The following ITSN1 variants were observed in gnomAD, a reference collection of about 807,000 sequenced individuals.
The protein encoded by ITSN1 is intersectin 1, also known as intersectin-1.
A neutral mutation model predicts 239.8 loss-of-function variants in ITSN1; 58 were observed. That is an observed-to-expected ratio of 0.24 (90% CI 0.20 to 0.30). ITSN1 has a LOEUF of 0.30. ITSN1 is among the 10% of genes least tolerant of loss of function. ITSN1 has a pLI of 1.00. For missense variants in ITSN1, 1,558 were observed against 2,103.3 expected, an observed-to-expected ratio of 0.74 and a Z score of 5.07; for synonymous variants, 780 against 770.8, an observed-to-expected ratio of 1.01 and a Z score of -0.20.
At chr21:33,730,301 A>G (rs1013510262) in intron 4 of ITSN1, among the ~76,000 whole-genome samples, 4 of 151,168 alleles carry the variant, frequency 2.6e-5, no homozygotes, top group Admixed American at 2.6e-4. Context: ...AAGCAGGTAC[A>G]TAATGTATAT....
At chr21:33,683,776 A>C (rs1320186753) in intron 1 of ITSN1, among the ~76,000 whole-genome samples, 3 of 152,234 alleles carry the variant, frequency 2.0e-5, no homozygotes, top group African/African-American at 7.2e-5. Flanking sequence ...TTGAAATACT[A>C]AATGTAGATT....
rs148320726 is a variant in ITSN1 at position 33,724,223 on chromosome 21, C to T, written c.185+1572C>T. On this transcript the variant is annotated intron_variant, in intron 4 of 39. Coordinates refer to ENST00000381318, the MANE Select transcript of ITSN1 (RefSeq NM_003024.3). ...GGTTGTCAGCATATTGGCCGCCAGA[C>T]TGTCTCTAAACTAGTGTGCTTGCTC... Among the ~76,000 whole-genome samples, 5 of 152,280 alleles carry T rather than the reference C, an allele frequency of 3.3e-5. No individual in the cohort carries two copies. The East Asian group carries it at 9.6e-4, about 29-fold the overall frequency.
In ITSN1 at chr21:33,898,079, A is replaced by C. The variant is rs1229419162; in HGVS notation, c.*9779A>C. 6.6e-6 allele frequency: 1 copy of C among 152,170 alleles called. No individual in the cohort carries two copies. Among genetic ancestry groups the C allele is most frequent in the Non-Finnish European group, 1.5e-5 (1 of 68,030 alleles). 9.4% of individuals were successfully genotyped at this position (152,170 alleles called of 1,614,324 possible). On this transcript the variant is annotated 3_prime_UTR_variant, in exon 40 of 40. Coordinates refer to ENST00000381318, the MANE Select transcript of ITSN1 (RefSeq NM_003024.3). The stretch of plus-strand genomic sequence containing the variant: ...TACTTGTGTCAGGAAGGATGAGAGG[A>C]TAGGGAGCCTGTTTTTCATCAGATC...
At chr21:33,837,642 T>C in intron 29 of ITSN1, 2 of 985,942 alleles carry the variant, frequency 2.0e-6, no homozygotes, top group Non-Finnish European at 1.2e-6. Context: ...CTGTACCTTG[T>C]TGAGCATGTA....
At chr21:33,671,708 A>G (rs2090294960) in intron 1 of ITSN1, among the ~76,000 whole-genome samples, 1 of 151,972 alleles carries the variant, frequency 6.6e-6, no homozygotes, top group Non-Finnish European at 1.5e-5. Flanking sequence ...AGGCTGAGGC[A>G]GGAGAATTGC....
At chr21:33,777,542 C>T (rs1478464176) in intron 14 of ITSN1, among the ~76,000 whole-genome samples, 2 of 152,124 alleles carry the variant, frequency 1.3e-5, no homozygotes, top group Admixed American at 6.6e-5. Context: ...GAAGATTTGA[C>T]ATCTCAGCAA....
intron 1 of ITSN1, among the ~76,000 whole-genome samples, chr21:33,646,775 C>T (rs1473484300): frequency 6.6e-6 from 1 of 152,106 alleles, no homozygotes; most frequent in African/African-American, 2.4e-5. Context: ...CAAAAGCTAA[C>T]CCATTTAATT....
intron 9 of ITSN1, among the ~76,000 whole-genome samples, chr21:33,763,909 G>A (rs1340869180): frequency 2.0e-5 from 3 of 152,184 alleles, no homozygotes; most frequent in East Asian, 1.9e-4. Flanking sequence ...CATTGATAGG[G>A]TTGTTTCACA....
intron 1 of ITSN1, among the ~76,000 whole-genome samples, chr21:33,694,295 C>T (rs2091693675): frequency 6.6e-6 from 1 of 152,130 alleles, no homozygotes; most frequent in African/African-American, 2.4e-5. Flanking sequence ...ACCCAAAGTG[C>T]TGGGATTACA....
At chr21:33,883,709 T>C (rs1330361879) in intron 36 of ITSN1, 38 bp downstream of exon 36, 46 of 1,606,456 alleles carry the variant, frequency 2.9e-5, no homozygotes, top group Non-Finnish European at 3.8e-5. Context: ...GCCCCAGGGC[T>C]CCACGGCTCT....
At chr21:33,674,361 A>G (rs1314075203) in intron 1 of ITSN1, among the ~76,000 whole-genome samples, 2 of 152,246 alleles carry the variant, frequency 1.3e-5, no homozygotes, top group African/African-American at 4.8e-5. Context: ...CACAGCGTAT[A>G]GGCTGAAACA....
At chr21:33,849,224 C>A (rs899952469) in intron 29 of ITSN1, among the ~76,000 whole-genome samples, 1 of 151,898 alleles carries the variant, frequency 6.6e-6, no homozygotes, top group Non-Finnish European at 1.5e-5. Flanking sequence ...GGTAACAGAG[C>A]AAGACTCTGT....
intron 1 of ITSN1, among the ~76,000 whole-genome samples, chr21:33,678,817 G>A (rs371844342): frequency 8.5e-5 from 13 of 152,084 alleles, no homozygotes; most frequent in African/African-American, 2.9e-4. Flanking sequence ...GGGTTTAAGC[G>A]ATTCTCCTGC....
chr21:33,670,625 G>A (rs1019072755), intron 1 of ITSN1, among the ~76,000 whole-genome samples: 8 of 152,092 alleles, frequency 5.3e-5, no homozygotes, highest in Non-Finnish European at 1.2e-4. Context: ...ATTGCAGCCA[G>A]GTCTCAACCC....
At chr21:33,691,310 A>G (rs757291707) in intron 1 of ITSN1, among the ~76,000 whole-genome samples, 2 of 152,214 alleles carry the variant, frequency 1.3e-5, no homozygotes. Flanking sequence ...ACTGGATTAT[A>G]ATGGTGACTG....
chr21:33,882,124 T>A lies in ITSN1; in HGVS notation c.4342-119T>A. The A allele has an allele frequency of 1.2e-6, 1 of 808,892 alleles. No homozygotes were observed. Among genetic ancestry groups the A allele is most frequent in the Non-Finnish European group, 1.9e-6 (1 of 514,530 alleles). The allele number at this position is 808,892 out of a possible 1,614,324, so 50.1% of individuals were successfully genotyped here. A position where few individuals can be genotyped will look rare whatever the true frequency, so the allele number is the denominator to read the frequency against. ...GGCTCCAAAGTCTTCAAAGCTATCC[T>A]TGACTTTTGCCTGAGATCCGAGTCT... On this transcript the variant is annotated intron_variant, in intron 34 of 39. Coordinates refer to ENST00000381318, the MANE Select transcript of ITSN1 (RefSeq NM_003024.3). The surrounding 1 kb of genome is among the most constrained non-coding windows in gnomAD (Gnocchi z 4.5).
At chr21:33,665,653 G>A (rs2089883344) in intron 1 of ITSN1, among the ~76,000 whole-genome samples, 1 of 152,044 alleles carries the variant, frequency 6.6e-6, no homozygotes, top group South Asian at 2.1e-4. Context: ...AAAGAAAACA[G>A]GTGTTCAAAC....
chr21:33,802,439 G>C lies in ITSN1; in HGVS notation c.2314G>C (p.Glu772Gln). The change falls in exon 20 of 40, where the codon GAA (glutamate) becomes CAA (glutamine). Residue 772 changes from glutamate to glutamine, a missense_variant. This residue lies in a region of ITSN1 where 982 missense variants were observed against 1,209.9 expected (regional missense o/e 0.81). Transcript: ENST00000381318. The stretch of plus-strand genomic sequence containing the variant: ...TGCTTTCCTGGTGGAGGTTAAAGGG[G>C]AATGGGTAAGTGTTGCCTAACTGTC... ...QPGDIVMVKG[E>Q]WVDESQTGEP... The C allele has an allele frequency of 6.2e-7, 1 of 1,613,672 alleles. No homozygotes were observed. Among genetic ancestry groups the C allele is most frequent in the East Asian group, 2.2e-5 (1 of 44,868 alleles).
intron 28 of ITSN1, among the ~76,000 whole-genome samples, 190 bp downstream of exon 28, chr21:33,834,614 G>C (rs1165488638): frequency 2.0e-5 from 3 of 152,224 alleles, no homozygotes; most frequent in Non-Finnish European, 4.4e-5. Context: ...TATCTAAGTG[G>C]CTTTTCTGTG....
Sources: allele counts gnomAD v4.1 joint callset (sites outside exome capture counted in the v4.1 genomes callset), GRCh38; gene constraint gnomAD v4.1.1; regional missense constraint gnomAD v4.1.1; non-coding constraint Gnocchi (gnomAD v3.1); transcripts MANE v1.5; gene names NCBI Gene and HGNC (gene_info 2026-07-23, HGNC 2026-07-21).